Variants in ZNF407 observed in about 807,000 individuals in gnomAD.
ZNF407 encodes the protein zinc finger protein 407.
A neutral mutation model predicts 131.2 loss-of-function variants in ZNF407; 17 were observed. That is an observed-to-expected ratio of 0.13 (90% CI 0.09 to 0.19). The LOEUF is 0.19. Ranked by LOEUF, ZNF407 falls within the 10% of genes least tolerant of loss-of-function variation. The pLI is 1.00. For synonymous variants in ZNF407, 1,156 were observed against 1,062.0 expected (o/e 1.09, Z -1.72); for missense variants, 2,681 against 2,830.6 (o/e 0.95, Z 1.20).
At chr18:74,774,787 T>C (rs1969433579) in intron 3 of ZNF407, among the ~76,000 whole-genome samples, 1 of 152,216 alleles carries the variant, frequency 6.6e-6, no homozygotes, top group Non-Finnish European at 1.5e-5. Context: ...TTTTCTTGAG[T>C]GTGATCTTGA....
At chr18:74,598,990 G>C (rs1982449902) in intron 1 of ZNF407, among the ~76,000 whole-genome samples, 1 of 152,218 alleles carries the variant, frequency 6.6e-6, no homozygotes, top group Admixed American at 6.5e-5. Context: ...CAGCTTTGCA[G>C]TCTATGCCTG....
intron 4 of ZNF407, among the ~76,000 whole-genome samples, chr18:74,875,474 C>T (rs1318587118): frequency 3.9e-5 from 6 of 152,072 alleles, no homozygotes; most frequent in Admixed American, 6.5e-5. Flanking sequence ...TCTGGAGAAA[C>T]TATTTGTTAA....
At chr18:74,788,502 C>T (rs1038762075) in intron 4 of ZNF407, among the ~76,000 whole-genome samples, 3 of 151,274 alleles carry the variant, frequency 2.0e-5, no homozygotes, top group African/African-American at 7.3e-5. Flanking sequence ...ACCCAGTTAA[C>T]AAGTACTCCC....
chr18:74,605,536 T>A (rs1982766562), intron 1 of ZNF407, among the ~76,000 whole-genome samples: 1 of 152,090 alleles, frequency 6.6e-6, no homozygotes, highest in Non-Finnish European at 1.5e-5. Flanking sequence ...AATACGGAGT[T>A]TGAAAAAAAT....
chr18:74,950,660 C>T (rs1026754371), intron 8 of ZNF407, among the ~76,000 whole-genome samples: 1 of 152,218 alleles, frequency 6.6e-6, no homozygotes, highest in Non-Finnish European at 1.5e-5. Flanking sequence ...AACATTGCCA[C>T]TTCTGTAAAT....
intron 7 of ZNF407, among the ~76,000 whole-genome samples, chr18:74,897,408 A>G (rs1360451724): frequency 6.6e-6 from 1 of 152,198 alleles, no homozygotes; most frequent in Non-Finnish European, 1.5e-5. Flanking sequence ...ACACAAAGTG[A>G]CCATGCATTC....
intron 8 of ZNF407, among the ~76,000 whole-genome samples, chr18:74,970,765 G>T (rs1233178091): frequency 6.6e-6 from 1 of 152,178 alleles, no homozygotes; most frequent in Non-Finnish European, 1.5e-5. Flanking sequence ...GCCATTCTGG[G>T]GTCTGGAGGA....
Position 74,631,014 on chromosome 18 carries a change from T to G in ZNF407, c.-6T>G. On this transcript the variant is annotated 5_prime_UTR_variant, in exon 2 of 9. Coordinates refer to ENST00000299687, the MANE Select transcript of ZNF407 (RefSeq NM_017757.3). ...CTTAGATAGAAGCATCGTCAGCACT[T>G]TATTAATGATGGATAGTGAGAATAA... 1 of 1,600,870 alleles carries G rather than the reference T, an allele frequency of 6.2e-7. No homozygotes were observed. Among genetic ancestry groups the G allele is most frequent in the Admixed American group, 1.7e-5 (1 of 58,236 alleles).
At chr18:74,776,886 T>C (rs1259693141) in intron 3 of ZNF407, among the ~76,000 whole-genome samples, 4 of 152,208 alleles carry the variant, frequency 2.6e-5, no homozygotes, top group African/African-American at 9.6e-5. Context: ...ATATTTAGTA[T>C]TCTTTAAGTG....
At chr18:74,604,645 C>G (rs1982721939) in intron 1 of ZNF407, among the ~76,000 whole-genome samples, 3 of 152,190 alleles carry the variant, frequency 2.0e-5, no homozygotes, top group Non-Finnish European at 4.4e-5. Context: ...TTTGAACATT[C>G]CATAGGCTTA....
intron 3 of ZNF407, among the ~76,000 whole-genome samples, chr18:74,641,894 A>G (rs918007338): frequency 1.3e-5 from 2 of 152,332 alleles, no homozygotes; most frequent in Non-Finnish European, 2.9e-5. Flanking sequence ...CTGTTATGCT[A>G]GAGAAATTAA....
At chr18:74,912,480 G>A (rs570803354) in intron 7 of ZNF407, among the ~76,000 whole-genome samples, 1 of 152,290 alleles carries the variant, frequency 6.6e-6, no homozygotes, top group South Asian at 2.1e-4. Context: ...AGAATAGAAA[G>A]TCCAGAATTC....
intron 8 of ZNF407, among the ~76,000 whole-genome samples, chr18:75,022,117 C>A (rs897611335): frequency 6.6e-6 from 1 of 151,918 alleles, no homozygotes; most frequent in Non-Finnish European, 1.5e-5. Context: ...TTAACAAATG[C>A]AAACTTTTTT....
intron 8 of ZNF407, among the ~76,000 whole-genome samples, chr18:74,923,243 A>G (rs1367010094): frequency 6.6e-6 from 1 of 151,564 alleles, no homozygotes; most frequent in Non-Finnish European, 1.5e-5. Context: ...TTTTTTAACC[A>G]TGGATTATTA....
chr18:74,675,088 C>T (rs969756571), intron 3 of ZNF407, among the ~76,000 whole-genome samples: 11 of 152,204 alleles, frequency 7.2e-5, no homozygotes, highest in Non-Finnish European at 1.5e-4. Flanking sequence ...TCCTGTCACT[C>T]TCTACTCACT....
At chr18:74,911,067 G>A (rs1352181285) in intron 7 of ZNF407, among the ~76,000 whole-genome samples, 1 of 152,200 alleles carries the variant, frequency 6.6e-6, no homozygotes, top group East Asian at 1.9e-4. Context: ...CTTTCGTGGT[G>A]TGTATTATGA....
At chr18:74,813,574 C>T (rs1357711389) in intron 4 of ZNF407, among the ~76,000 whole-genome samples, 1 of 152,106 alleles carries the variant, frequency 6.6e-6, no homozygotes. Flanking sequence ...GGGTGAGGGC[C>T]GGTATTTCTG....
At chr18:74,964,588 T>G (rs1202592777) in intron 8 of ZNF407, among the ~76,000 whole-genome samples, 1 of 151,526 alleles carries the variant, frequency 6.6e-6, no homozygotes, top group African/African-American at 2.4e-5. Context: ...GGGTTTTTTT[T>G]TTTTTTTTTT....
chr18:74,876,204 T>C (rs1256086466), intron 4 of ZNF407, among the ~76,000 whole-genome samples: 1 of 152,230 alleles, frequency 6.6e-6, no homozygotes. Context: ...AATGCTAAAA[T>C]TTATGATAGC....
Sources: allele counts gnomAD v4.1 joint callset (sites outside exome capture counted in the v4.1 genomes callset), GRCh38; gene constraint gnomAD v4.1.1; transcripts MANE v1.5; gene names NCBI Gene and HGNC (gene_info 2026-07-23, HGNC 2026-07-21).